The following SLC66A1 variants were observed in gnomAD, a reference collection of about 807,000 sequenced individuals.
SLC66A1 encodes the protein solute carrier family 66 member 1.
Under a neutral mutation model 33.0 loss-of-function variants are expected in SLC66A1, and 23 were observed. The ratio of observed to expected loss-of-function variants is 0.70; its 90% confidence interval spans 0.50 to 0.99. The LOEUF (loss-of-function observed/expected upper bound fraction) is 0.99. Among genes scored for constraint, SLC66A1 ranks in the 50% least tolerant of loss-of-function variants. The pLI is 0.00. For missense variants in SLC66A1, 335 were observed against 383.6 expected (o/e 0.87, Z 1.06); for synonymous variants, 164 against 175.5 (o/e 0.93, Z 0.52).
chr1:19,326,369 C>G lies in SLC66A1; in HGVS notation c.507C>G (p.Ser169=). The G allele has an allele frequency of 6.2e-7, 1 of 1,606,810 alleles. No homozygotes were observed. The highest frequency in any genetic ancestry group is 8.5e-7 in the Non-Finnish European group (1 of 1,178,980). The change falls in exon 5 of 8, where the codon TCC becomes TCG. Residue 169 remains serine, a synonymous_variant. Transcript: ENST00000375153. ...CCTTCCGGGGGCGGGCGCTCCTGTC[C>G]GTGGAGTCGGGCAGCAAGGTGAGGC... The part of the protein sequence containing the change: ...REAFRGRALL[S]VESGSKPFTR...
intron 1 of SLC66A1, chr1:19,313,158 T>C: frequency 9.2e-6 from 9 of 983,074 alleles, no homozygotes; most frequent in Non-Finnish European, 1.1e-5. Flanking sequence ...TCCCCTACTT[T>C]TCAGATGAGA....
chr1:19,313,299 C>G, intron 1 of SLC66A1: 1 of 942,302 alleles, frequency 1.1e-6, no homozygotes, highest in Non-Finnish European at 1.3e-6. Context: ...TTTCCTTCCT[C>G]TTCTCTCTCT....
chr1:19,332,816 A>G (rs1418364828), downstream of SLC66A1, among the ~76,000 whole-genome samples: 1 of 152,080 alleles, frequency 6.6e-6, no homozygotes, highest in Non-Finnish European at 1.5e-5. Flanking sequence ...CTGAAGGGAA[A>G]AGTGTGGACA....
rs2093815482 is a variant in SLC66A1, at chr1:19,318,126, T to C, written c.164+285T>C. 3.3e-5 allele frequency among the ~76,000 whole-genome samples: 5 copies of C among 152,198 alleles called. 1 individual carries two copies. Among genetic ancestry groups the C allele is most frequent in the Admixed American group, 3.3e-4 (5 of 15,282 alleles). ...GCCATATTTCTACCTCATTTAATCC[T>C]CACAACAACCTTGTGAAACAGGGAC... is the stretch of plus-strand genomic sequence containing the variant. On this transcript the variant is annotated intron_variant, in intron 2 of 7. Transcript: ENST00000375153.
At chr1:19,317,554 A>T in intron 1 of SLC66A1, 46 bp from the exon 2 acceptor site, 1 of 1,494,852 alleles carries the variant, frequency 6.7e-7, no homozygotes, top group Non-Finnish European at 8.9e-7. Flanking sequence ...CATGAATAGG[A>T]CCTGGACCTC....
Position 19,313,155 on chromosome 1 carries a change from C to T in SLC66A1, c.-79+266C>T, listed in dbSNP as rs1477554173. ...TGGTGGGTATTGCATTATTCCCCTA[C>T]TTTTCAGATGAGAACTACGAAGCTC... On this transcript the variant is annotated intron_variant, in intron 1 of 7. Coordinates refer to ENST00000375153, the MANE Select transcript of SLC66A1 (RefSeq NM_001040125.2). The T allele has an allele frequency of 5.1e-6, 5 of 981,242 alleles. No individual in the cohort carries two copies. In the South Asian group the frequency reaches 2.4e-4, roughly 46 times the overall value. 60.8% of individuals were successfully genotyped at this position (981,242 alleles called of 1,614,324 possible). A position where few individuals can be genotyped will look rare whatever the true frequency, so the allele number is the denominator to read the frequency against.
At chr1:19,332,622 T>C (rs1399606097), downstream of SLC66A1, among the ~76,000 whole-genome samples, 3 of 152,126 alleles carry the variant, frequency 2.0e-5, no homozygotes, top group Non-Finnish European at 4.4e-5. Context: ...TTTAAAAAAT[T>C]ACAATAAAGG....
chr1:19,313,819 A>T (rs992839361), intron 1 of SLC66A1, among the ~76,000 whole-genome samples: 12 of 152,224 alleles, frequency 7.9e-5, no homozygotes, highest in African/African-American at 2.7e-4. Context: ...GGCTGTGATC[A>T]TGTGCCCGAA....
At chr1:19,325,607 C>G in intron 4 of SLC66A1, 25 bp downstream of exon 4, 1 of 1,382,446 alleles carries the variant, frequency 7.2e-7, no homozygotes, top group Non-Finnish European at 1.0e-6. Flanking sequence ...CGCTCTCTGT[C>G]AGATGCTCTA....
At chr1:19,331,261 C>T (rs530307236), downstream of SLC66A1, among the ~76,000 whole-genome samples, 1 of 152,228 alleles carries the variant, frequency 6.6e-6, no homozygotes, top group Non-Finnish European at 1.5e-5. Flanking sequence ...ATCTGCTTGC[C>T]TCAGCCTCTC....
At chr1:19,319,033 G>A (rs2152001796) in intron 2 of SLC66A1, among the ~76,000 whole-genome samples, 1 of 152,270 alleles carries the variant, frequency 6.6e-6, no homozygotes, top group East Asian at 1.9e-4. Context: ...AAGGCCCTGT[G>A]GCCTAAGCGG....
At chr1:19,314,728 G>T (rs547525769) in intron 1 of SLC66A1, among the ~76,000 whole-genome samples, 1 of 152,314 alleles carries the variant, frequency 6.6e-6, no homozygotes, top group Non-Finnish European at 1.5e-5. Context: ...ACCCAACCTT[G>T]CTGGGGAGTG....
Position 19,317,808 on chromosome 1 carries a change from T to TCTCC in SLC66A1, c.132_135dup (p.Ile46LeufsTer49). 6.2e-7 allele frequency: 1 copy of TCTCC among 1,614,020 alleles called. No homozygotes were observed. The highest frequency in any genetic ancestry group is 8.5e-7 in the Non-Finnish European group (1 of 1,179,970). ...GAGGCCAGCGTGGGCCTGGGCTTGA[T>TCTCC]CTCCATTCTCTGCTTTGCTGCATCT... is the stretch of plus-strand genomic sequence containing the variant. On this transcript the variant is annotated frameshift_variant, in exon 2 of 8. Transcript: ENST00000375153. LOFTEE classifies it high-confidence loss of function.
In SLC66A1 at chr1:19,328,427, C is replaced by A; in HGVS notation, c.805-145C>A. 1.4e-6 allele frequency: 1 copy of A among 739,894 alleles called. No homozygotes were observed. The highest frequency in any genetic ancestry group is 1.5e-5 in the South Asian group (1 of 64,804). The allele number at this position is 739,894 out of a possible 1,614,324, so 45.8% of individuals were successfully genotyped here. ...GTGGAGGGCACAGCTAAGGTAGCGG[C>A]TGGGAGGTTATGGCTGGCCCTTCCC... On this transcript the variant is annotated intron_variant, in intron 7 of 7. Coordinates refer to ENST00000375153, the MANE Select transcript of SLC66A1 (RefSeq NM_001040125.2). This position sits in a 1 kb window ranked among gnomAD's most constrained non-coding sequence, Gnocchi z 4.7.
chr1:19,317,791 C>T lies in SLC66A1; in HGVS notation c.114C>T (p.Ser38=), dbSNP rs2093813725. The change falls in exon 2 of 8, where the codon AGC becomes AGT. Residue 38 remains serine (S), a synonymous_variant. Coordinates refer to ENST00000375153, the MANE Select transcript of SLC66A1 (RefSeq NM_001040125.2). ...CCCAGGACGGCTGGGACGAGGCCAG[C>T]GTGGGCCTGGGCTTGATCTCCATTC... The part of the protein sequence containing the change: ...ECAQDGWDEA[S]VGLGLISILC... The T allele has an allele frequency of 6.2e-7, 1 of 1,614,102 alleles. No homozygotes were observed.
At chr1:19,314,419 TC>T (rs1476183252) in intron 1 of SLC66A1, among the ~76,000 whole-genome samples, 1 of 152,114 alleles carries the variant, frequency 6.6e-6, no homozygotes, top group Admixed American at 6.5e-5. Context: ...CAAGGTACCT[TC>T]CTCGAGACAA....
At chr1:19,331,865 G>T (rs2093893397), downstream of SLC66A1, among the ~76,000 whole-genome samples, 1 of 152,216 alleles carries the variant, frequency 6.6e-6, no homozygotes, top group Non-Finnish European at 1.5e-5. Context: ...CTCTGATGGG[G>T]TGACATAATC....
At position 19,325,520 on chromosome 1, in the gene SLC66A1, T is replaced by C; in HGVS notation, c.320T>C (p.Leu107Ser). 9.3e-6 allele frequency: 15 copies of C among 1,610,794 alleles called. No homozygotes were observed. The highest frequency in any genetic ancestry group is 1.3e-5 in the Non-Finnish European group (15 of 1,177,192). ...LQTYTAVYYV[L>S]ADLVMLTLYF... ...ACCTACACGGCTGTGTATTATGTCT[T>C]GGCAGACCTGGTGATGCTGACGCTG... Residue 107 changes from leucine (L) to serine (S), a missense_variant, in exon 4 of 8, where the codon TTG becomes TCG. Coordinates refer to ENST00000375153, the MANE Select transcript of SLC66A1 (RefSeq NM_001040125.2).
At chr1:19,327,011 C>T (rs1446407012) in intron 6 of SLC66A1, among the ~76,000 whole-genome samples, 2 of 152,128 alleles carry the variant, frequency 1.3e-5, no homozygotes, top group Non-Finnish European at 2.9e-5. Context: ...CTGGCACAGC[C>T]ACGGTCTCCC....
Sources: allele counts gnomAD v4.1 joint callset (sites outside exome capture counted in the v4.1 genomes callset), GRCh38; gene constraint gnomAD v4.1.1; non-coding constraint Gnocchi (gnomAD v3.1); transcripts MANE v1.5; gene names NCBI Gene and HGNC (gene_info 2026-07-23, HGNC 2026-07-21).